The following HOXA2 variants were observed in gnomAD, a reference collection of about 807,000 sequenced individuals.
HOXA2 encodes homeobox A2, also known as homeobox protein Hox-A2.
In HOXA2, 4 loss-of-function variants were observed where a neutral mutation model predicts 27.2. The observed-to-expected ratio is 0.15, with a 90% CI of 0.07 to 0.34. HOXA2 has a LOEUF of 0.34. HOXA2 is among the 10% of genes least tolerant of loss of function. The probability of loss-of-function intolerance (pLI) is 1.00; values close to 1 mark genes in which losing one functional copy is unlikely to be tolerated. For synonymous variants in HOXA2, 200 were observed against 202.8 expected, an observed-to-expected ratio of 0.99 and a Z score of 0.12; for missense variants, 430 against 473.2, an observed-to-expected ratio of 0.91 and a Z score of 0.85.
Position 27,101,227 on chromosome 7 carries a change from G to T in HOXA2, c.630C>A (p.Ser210Arg). The T allele has an allele frequency of 6.2e-7, 1 of 1,614,056 alleles. No individual in the cohort carries two copies. Among genetic ancestry groups the T allele is most frequent in the Non-Finnish European group, 8.5e-7 (1 of 1,180,030 alleles). Residue 210 changes from serine (S) to arginine (R), a missense_variant, in exon 2 of 2, where the codon AGC becomes AGA. By Grantham distance (110) the Ser-to-Arg change is moderately radical. Coordinates refer to ENST00000222718, the MANE Select transcript of HOXA2 (RefSeq NM_006735.4). Reference protein sequence around the residue: ...RQTQCKENQNSEGKCKSLEDS... With the variant: ...RQTQCKENQNREGKCKSLEDS... ...CCTCAAGGCTTTTACATTTCCCTTC[G>T]CTGTTTTGGTTTTCCTTGCACTGGG...
rs1370827430 is a variant in HOXA2 at position 27,101,171 on chromosome 7, T to G, written c.686A>C (p.Glu229Ala). The G allele has an allele frequency of 1.2e-6, 2 of 1,614,186 alleles. No homozygotes were observed. The highest frequency in any genetic ancestry group is 1.1e-5 in the South Asian group (1 of 91,064). Reference protein sequence around the residue: ...DSEKVEEDEEEKTLFEQALSV... With the variant: ...DSEKVEEDEEAKTLFEQALSV... ...AAGGGCTTGCTCAAAGAGCGTCTTCTCTTCCTCGTCCTCCTCTACTTTCTC... is the reference window on the plus strand; with the variant it reads ...AAGGGCTTGCTCAAAGAGCGTCTTCGCTTCCTCGTCCTCCTCTACTTTCTC... The change falls in exon 2 of 2, where the codon GAG (glutamate) becomes GCG (alanine). Residue 229 changes from glutamate to alanine, a missense_variant. Transcript: ENST00000222718.
rs780752179 is a variant in HOXA2 at position 27,101,417 on chromosome 7, C to T, written c.440G>A (p.Arg147Lys). ...DGSGGGSRRL[R>K]TAYTNTQLLE... ...AAGCTGTGTGTTGGTGTAAGCAGTT[C>T]TCAGGCGCCGCGATCCCCCGCCGCT... The change falls in exon 2 of 2, where the codon AGA becomes AAA. Residue 147 changes from arginine to lysine, a missense_variant. By Grantham distance (26) the Arg-to-Lys change is conservative. Around this residue, in one of 4 missense-constraint regions of HOXA2, gnomAD observed 166 missense variants for 207.6 expected, o/e 0.80. Transcript: ENST00000222718. 6.2e-7 allele frequency: 1 copy of T among 1,602,290 alleles called. No homozygotes were observed. The highest frequency in any genetic ancestry group is 1.1e-5 in the South Asian group (1 of 91,084).
chr7:27,102,610 G>C lies in HOXA2; in HGVS notation c.-110C>G. ...CGCAGAGGAAAAAAAATCTATCATA[G>C]AATATCGCTGCTAGGGTGTTTTTTT... is the stretch of plus-strand genomic sequence containing the variant. On this transcript the variant is annotated 5_prime_UTR_variant, in exon 1 of 2. Transcript: ENST00000222718. This position sits in a 1 kb window ranked among gnomAD's most constrained non-coding sequence, Gnocchi z 4.6. 9.6e-7 allele frequency: 1 copy of C among 1,037,018 alleles called. No homozygotes were observed. The highest frequency in any genetic ancestry group is 1.5e-6 in the Non-Finnish European group (1 of 686,336). 64.2% of individuals were successfully genotyped at this position (1,037,018 alleles called of 1,614,324 possible). A position where few individuals can be genotyped will look rare whatever the true frequency, so the allele number is the denominator to read the frequency against.
Position 27,101,275 on chromosome 7 carries a change from C to G in HOXA2, c.582G>C (p.Arg194=), listed in dbSNP as rs779221330. The change falls in exon 2 of 2, where the codon CGG becomes CGC. Residue 194 remains arginine (R), a synonymous_variant. Transcript: ENST00000222718. ...ERQVKVWFQN[R]RMKHKRQTQC... The stretch of plus-strand genomic sequence containing the variant: ...GGGTCTGCCTCTTGTGCTTCATCCT[C>G]CGGTTCTGAAACCACACTTTCACTT... The G allele has an allele frequency of 6.2e-7, 1 of 1,614,244 alleles. No homozygotes were observed. Among genetic ancestry groups the G allele is most frequent in the Non-Finnish European group, 8.5e-7 (1 of 1,180,052 alleles).
rs768229019 is a variant in HOXA2, at chr7:27,102,526, A to G, written c.-26T>C. The G allele has an allele frequency of 6.2e-7, 1 of 1,611,610 alleles. No homozygotes were observed. The highest frequency in any genetic ancestry group is 1.1e-5 in the South Asian group (1 of 91,066). On this transcript the variant is annotated 5_prime_UTR_variant, in exon 1 of 2. Coordinates refer to ENST00000222718, the MANE Select transcript of HOXA2 (RefSeq NM_006735.4). The surrounding 1 kb of genome is among the most constrained non-coding windows in gnomAD (Gnocchi z 4.6). ...GGCCTTCTCCTTGGAGCCCCCTCAG[A>G]GAAAAAGTTCCCTCTTTTGGAGGGG...
chr7:27,100,899 G>A lies in HOXA2; in HGVS notation c.958C>T (p.Pro320Ser). ...AAAACGCTAAAGTCCTGCAAAGAGG[G>A]GACCTCAAGGGCCTCAGGACTGTCA... ...NNDSPEALEV[P>S]SLQDFSVFST... Residue 320 changes from proline to serine, a missense_variant, in exon 2 of 2, where the codon CCC (proline) becomes TCC (serine). Physicochemically the swap from Pro to Ser is moderately conservative, Grantham distance 74. Coordinates refer to ENST00000222718, the MANE Select transcript of HOXA2 (RefSeq NM_006735.4). 1 of 1,614,228 alleles carries A rather than the reference G, an allele frequency of 6.2e-7. No individual in the cohort carries two copies. The highest frequency in any genetic ancestry group is 2.2e-5 in the East Asian group (1 of 44,876).
At position 27,101,043 on chromosome 7, in the gene HOXA2, A is replaced by C. The variant is rs138479880; in HGVS notation, c.814T>G (p.Phe272Val). ...PNGHNGDSQS[F>V]PVSPLTSNEK... ...TTGCTGGTTAAAGGCGAGACTGGGA[A>C]ACTTTGGGAGTCGCCATTGTGTCCA... Residue 272 changes from phenylalanine to valine, a missense_variant, in exon 2 of 2, where the codon TTC becomes GTC. This residue lies in a region of HOXA2 where 236 missense variants were observed against 208.5 expected (regional missense o/e 1.13). Transcript: ENST00000222718. 306 of 1,614,182 alleles carry C rather than the reference A, an allele frequency of 1.9e-4. No homozygotes were observed. Among genetic ancestry groups the C allele is most frequent in the Non-Finnish European group, 2.1e-4 (252 of 1,180,036 alleles).
Position 27,102,670 on chromosome 7 carries a change from G to A in HOXA2, c.-170C>T. 1 of 629,404 alleles carries A rather than the reference G, an allele frequency of 1.6e-6. No individual in the cohort carries two copies. Among genetic ancestry groups the A allele is most frequent in the East Asian group, 2.8e-5 (1 of 35,496 alleles). The allele number at this position is 629,404 out of a possible 1,614,324, so 39.0% of individuals were successfully genotyped here. A position where few individuals can be genotyped will look rare whatever the true frequency, so the allele number is the denominator to read the frequency against. ...CTGATTACAGCCGTATGGGGACCGC[G>A]CTACTATTAAACTATTGAATTCATG... On this transcript the variant is annotated 5_prime_UTR_variant, in exon 1 of 2. Transcript: ENST00000222718. This position sits in a 1 kb window ranked among gnomAD's most constrained non-coding sequence, Gnocchi z 4.6.
rs143043350 is a variant in HOXA2, at chr7:27,100,878, C to A, written c.979G>T (p.Val327Phe). Residue 327 changes from valine (V) to phenylalanine (F), a missense_variant, in exon 2 of 2, where the codon GTT (valine) becomes TTT (phenylalanine). Coordinates refer to ENST00000222718, the MANE Select transcript of HOXA2 (RefSeq NM_006735.4). ...TGCAGGCAGGAATCTGTGGAGAAAA[C>A]GCTAAAGTCCTGCAAAGAGGGGACC... Reference protein sequence around the residue: ...LEVPSLQDFSVFSTDSCLQLS... With the variant: ...LEVPSLQDFSFFSTDSCLQLS... The A allele has an allele frequency of 1.2e-6, 2 of 1,614,206 alleles. No individual in the cohort carries two copies. The highest frequency in any genetic ancestry group is 2.2e-5 in the South Asian group (2 of 91,088).
In HOXA2 at chr7:27,100,384, A is replaced by G. The variant is rs1783905160; in HGVS notation, c.*342T>C. ...ATAGCAAAGGAGAATTTATTCTACA[A>G]AAAATATGCATGACAATGCATCCCA... On this transcript the variant is annotated 3_prime_UTR_variant, in exon 2 of 2. Coordinates refer to ENST00000222718, the MANE Select transcript of HOXA2 (RefSeq NM_006735.4). 8.4e-6 allele frequency: 2 copies of G among 238,936 alleles called. No individual in the cohort carries two copies. Among genetic ancestry groups the G allele is most frequent in the South Asian group, 1.3e-4 (2 of 15,978 alleles). The allele number at this position is 238,936 out of a possible 1,614,324, so 14.8% of individuals were successfully genotyped here.
Position 27,101,742 on chromosome 7 carries a change from T to C in HOXA2, c.392-277A>G, listed in dbSNP as rs1168429776. ...TAGCCACAACACAATTTATAATTAATGCGTCAGCTGCTTAGCTGAGCAAGA... is the reference window on the plus strand; with the variant it reads ...TAGCCACAACACAATTTATAATTAACGCGTCAGCTGCTTAGCTGAGCAAGA... On this transcript the variant is annotated intron_variant, in intron 1 of 1. Coordinates refer to ENST00000222718, the MANE Select transcript of HOXA2 (RefSeq NM_006735.4). 5 of 662,494 alleles carry C rather than the reference T, an allele frequency of 7.5e-6. No individual in the cohort carries two copies. The Admixed American group carries it at 1.1e-4, about 15-fold the overall frequency. 41.0% of individuals were successfully genotyped at this position (662,494 alleles called of 1,614,324 possible).
At position 27,100,368 on chromosome 7, in the gene HOXA2, G is replaced by C. The variant is rs1188076436; in HGVS notation, c.*358C>G. ...GAAAAATAAGCTACTTATAGCAAAGGAGAATTTATTCTACAAAAAATATGC... is the reference window on the plus strand; with the variant it reads ...GAAAAATAAGCTACTTATAGCAAAGCAGAATTTATTCTACAAAAAATATGC... On this transcript the variant is annotated 3_prime_UTR_variant, in exon 2 of 2. Transcript: ENST00000222718. 4 of 221,082 alleles carry C rather than the reference G, an allele frequency of 1.8e-5. No individual in the cohort carries two copies. Among genetic ancestry groups the C allele is most frequent in the South Asian group, 6.8e-5 (1 of 14,732 alleles). 13.7% of individuals were successfully genotyped at this position (221,082 alleles called of 1,614,324 possible). A position where few individuals can be genotyped will look rare whatever the true frequency, so the allele number is the denominator to read the frequency against.
In HOXA2 at chr7:27,100,382, C is replaced by CA. The variant is rs1332820998; in HGVS notation, c.*343dup. The CA allele has an allele frequency of 7.1e-5, 16 of 225,126 alleles. No individual in the cohort carries two copies. The South Asian group carries it at 8.6e-4, about 12-fold the overall frequency. The allele number at this position is 225,126 out of a possible 1,614,324, so 13.9% of individuals were successfully genotyped here. A position where few individuals can be genotyped will look rare whatever the true frequency, so the allele number is the denominator to read the frequency against. Reference sequence around the variant, plus strand: ...TTATAGCAAAGGAGAATTTATTCTACAAAAAATATGCATGACAATGCATCC... The same window carrying CA: ...TTATAGCAAAGGAGAATTTATTCTACAAAAAAATATGCATGACAATGCATCC... On this transcript the variant is annotated 3_prime_UTR_variant, in exon 2 of 2. Transcript: ENST00000222718.
chr7:27,102,317 C>T lies in HOXA2; in HGVS notation c.184G>A (p.Gly62Ser), dbSNP rs778857731. ...CCAGCGCCGTGGCGAGGGTGACTGC[C>T]GGGGTTCAGGCTGGGAATGGTCTGC... ...FEQTIPSLNPGSHPRHGAGGR... is the reference protein window; with the variant it reads ...FEQTIPSLNPSSHPRHGAGGR... The change falls in exon 1 of 2, where the codon GGC becomes AGC. Residue 62 changes from glycine to serine, a missense_variant. Transcript: ENST00000222718. The surrounding 1 kb of genome is among the most constrained non-coding windows in gnomAD (Gnocchi z 4.6). 2.5e-6 allele frequency: 4 copies of T among 1,609,494 alleles called. No individual in the cohort carries two copies. Among genetic ancestry groups the T allele is most frequent in the Non-Finnish European group, 3.4e-6 (4 of 1,177,844 alleles).
In HOXA2 at chr7:27,101,035, G is replaced by A; in HGVS notation, c.822C>T (p.Val274=). 6.2e-7 allele frequency: 1 copy of A among 1,614,226 alleles called. No individual in the cohort carries two copies. The highest frequency in any genetic ancestry group is 8.5e-7 in the Non-Finnish European group (1 of 1,180,038). ...TTTTCTCATTGCTGGTTAAAGGCGA[G>A]ACTGGGAAACTTTGGGAGTCGCCAT... ...GHNGDSQSFP[V]SPLTSNEKNL... Residue 274 remains valine (V), a synonymous_variant, in exon 2 of 2, where the codon GTC becomes GTT. Transcript: ENST00000222718.
Position 27,100,746 on chromosome 7 carries a change from A to G in HOXA2, c.1111T>C (p.Leu371=), listed in dbSNP as rs748283739. ...TGTTTTTAGTAATTCAGATGCTGCAAGTCGATTGTGGTGAGTGTGTCTGTA... is the reference window on the plus strand; with the variant it reads ...TGTTTTTAGTAATTCAGATGCTGCAGGTCGATTGTGGTGAGTGTGTCTGTA... The part of the protein sequence containing the change: ...FFTDTLTTID[L]QHLNY The change falls in exon 2 of 2, where the codon TTG becomes CTG. Residue 371 remains leucine (L), a synonymous_variant. Coordinates refer to ENST00000222718, the MANE Select transcript of HOXA2 (RefSeq NM_006735.4). The G allele has an allele frequency of 1.2e-5, 19 of 1,614,118 alleles. No individual in the cohort carries two copies. Among genetic ancestry groups the G allele is most frequent in the Non-Finnish European group, 1.4e-5 (16 of 1,180,064 alleles).
chr7:27,101,263 G>A lies in HOXA2; in HGVS notation c.594C>T (p.His198=). ...KVWFQNRRMK[H]KRQTQCKENQ... is the part of the protein sequence containing the mutation. The stretch of plus-strand genomic sequence containing the variant: ...TTTCCTTGCACTGGGTCTGCCTCTT[G>A]TGCTTCATCCTCCGGTTCTGAAACC... The change falls in exon 2 of 2, where the codon CAC becomes CAT. Residue 198 remains histidine (H), a synonymous_variant. Transcript: ENST00000222718. 6.2e-7 allele frequency: 1 copy of A among 1,614,166 alleles called. No homozygotes were observed. The highest frequency in any genetic ancestry group is 8.5e-7 in the Non-Finnish European group (1 of 1,180,040).
At position 27,102,536 on chromosome 7, in the gene HOXA2, C is replaced by T. The variant is rs1783947731; in HGVS notation, c.-36G>A. The T allele has an allele frequency of 6.2e-7, 1 of 1,608,916 alleles. No individual in the cohort carries two copies. Among genetic ancestry groups the T allele is most frequent in the Non-Finnish European group, 8.5e-7 (1 of 1,178,918 alleles). ...TTGGAGCCCCCTCAGAGAAAAAGTT[C>T]CCTCTTTTGGAGGGGCTTTGGGGGG... On this transcript the variant is annotated 5_prime_UTR_variant, in exon 1 of 2. Coordinates refer to ENST00000222718, the MANE Select transcript of HOXA2 (RefSeq NM_006735.4). The surrounding 1 kb of genome is among the most constrained non-coding windows in gnomAD (Gnocchi z 4.6).
At chr7:27,101,808 T>C (rs1275115238) in intron 1 of HOXA2, 1 of 690,080 alleles carries the variant, frequency 1.4e-6, no homozygotes, top group Non-Finnish European at 2.6e-6. Context: ...AGCCAAACTC[T>C]AGGACAACTA....
Sources: gnomAD v4.1 joint callset for allele counts on GRCh38, gnomAD v4.1.1 for gene constraint, gnomAD v4.1.1 regional missense constraint, Gnocchi (gnomAD v3.1) non-coding constraint, MANE v1.5 for transcripts, NCBI Gene and HGNC (gene_info 2026-07-23, HGNC 2026-07-21) for gene names.